The following SULT1E1 variants were observed in gnomAD, a reference collection of about 807,000 sequenced individuals.
SULT1E1 encodes sulfotransferase family 1E member 1, also known as sulfotransferase 1E1.
In SULT1E1, 36 loss-of-function variants were observed where a neutral mutation model predicts 33.6. The observed-to-expected ratio is 1.07, with a 90% CI of 0.82 to 1.41. SULT1E1 has a LOEUF of 1.41. Ranked by LOEUF, SULT1E1 falls within the 40% of genes most tolerant of loss-of-function variation. The pLI is 0.00. For missense variants in SULT1E1, 371 were observed against 345.7 expected (o/e 1.07, Z -0.58); for synonymous variants, 121 against 111.7 (o/e 1.08, Z -0.53).
At chr4:69,842,982 G>A (rs1022249951) in intron 7 of SULT1E1, among the ~76,000 whole-genome samples, 3 of 151,764 alleles carry the variant, frequency 2.0e-5, no homozygotes, top group African/African-American at 4.8e-5. Context: ...GACTACAGGC[G>A]CCCGCCACCA....
chr4:69,851,024 T>G (rs1441073424), intron 4 of SULT1E1, among the ~76,000 whole-genome samples: 2 of 152,152 alleles, frequency 1.3e-5, no homozygotes, highest in African/African-American at 4.8e-5. Flanking sequence ...GATTGTAATC[T>G]GTCTTAAAAA....
the SULT1E1 span, among the ~76,000 whole-genome samples, chr4:69,830,572 A>G: frequency 6.6e-6 from 1 of 152,278 alleles, no homozygotes; most frequent in East Asian, 1.9e-4. Context: ...ATTGCCTCTC[A>G]GTACTGCTGC....
At chr4:69,821,558 A>G in the SULT1E1 span, among the ~76,000 whole-genome samples, 1 of 152,156 alleles carries the variant, frequency 6.6e-6, no homozygotes, top group Non-Finnish European at 1.5e-5. Flanking sequence ...GTCAGTTAAT[A>G]CAGAAGACAG....
the SULT1E1 span, among the ~76,000 whole-genome samples, chr4:69,832,477 C>T: frequency 6.6e-6 from 1 of 152,156 alleles, no homozygotes; most frequent in African/African-American, 2.4e-5. Context: ...AAAGACTGGG[C>T]CCCGAACAAA....
rs1382352722 is a variant in SULT1E1 at position 69,850,279 on chromosome 4, C to G, written c.370-716G>C. Among the ~76,000 whole-genome samples, 5 of 152,166 alleles carry G rather than the reference C, an allele frequency of 3.3e-5. No individual in the cohort carries two copies. In the East Asian group the frequency reaches 5.8e-4, roughly 18 times the overall value. On this transcript the variant is annotated intron_variant, in intron 4 of 7. Coordinates refer to ENST00000226444, the MANE Select transcript of SULT1E1 (RefSeq NM_005420.3). ...TGTGTTAGATCATCTGTGGCCTACTCTAGGTCTGATACTCAATGTTACACG... is the reference window on the plus strand; with the variant it reads ...TGTGTTAGATCATCTGTGGCCTACTGTAGGTCTGATACTCAATGTTACACG...
intron 2 of SULT1E1, among the ~76,000 whole-genome samples, chr4:69,856,978 C>T (rs1721255119): frequency 7.3e-6 from 1 of 137,622 alleles, no homozygotes. Flanking sequence ...TAAGGGCATA[C>T]TTAGTGTGTT....
chr4:69,851,272 T>G (rs1266316573), intron 4 of SULT1E1, among the ~76,000 whole-genome samples: 1 of 151,744 alleles, frequency 6.6e-6, no homozygotes, highest in African/African-American at 2.4e-5. Flanking sequence ...TCAAACAAAT[T>G]TACAAGAAAA....
At chr4:69,833,052 AT>A in the SULT1E1 span, among the ~76,000 whole-genome samples, 1 of 151,864 alleles carries the variant, frequency 6.6e-6, no homozygotes, top group African/African-American at 2.4e-5. Flanking sequence ...AGCTTGTTTT[AT>A]TTTTTTCTTT....
rs1456290929 is a variant in SULT1E1 at position 69,860,076 on chromosome 4, T to TGATCTAG, written c.-44_-38dup. On this transcript the variant is annotated 5_prime_UTR_variant, in exon 1 of 8. Transcript: ENST00000226444. ...GTTTAGTTGATCCTGTGAAAGAAAT[T>TGATCTAG]GATCTAGTTTATATCTCTTCAAATA... 1.3e-5 allele frequency: 2 copies of TGATCTAG among 152,114 alleles called. No homozygotes were observed. The highest frequency in any genetic ancestry group is 4.8e-5 in the African/African-American group (2 of 41,446). 9.4% of individuals were successfully genotyped at this position (152,114 alleles called of 1,614,324 possible). A position where few individuals can be genotyped will look rare whatever the true frequency, so the allele number is the denominator to read the frequency against.
At chr4:69,829,697 T>A in the SULT1E1 span, among the ~76,000 whole-genome samples, 2 of 152,194 alleles carry the variant, frequency 1.3e-5, no homozygotes, top group African/African-American at 4.8e-5. Context: ...GGAATTCATG[T>A]TGGACTCCTT....
chr4:69,857,024 A>T (rs1721255544), intron 2 of SULT1E1, among the ~76,000 whole-genome samples: 1 of 151,630 alleles, frequency 6.6e-6, no homozygotes, highest in African/African-American at 2.4e-5. Context: ...GAACAACCAG[A>T]TGAAGAAATA....
At chr4:69,837,581 T>C (rs11249464), downstream of SULT1E1, among the ~76,000 whole-genome samples, 4,231 of 152,262 alleles carry the variant, frequency 0.028, 90 homozygotes, top group Non-Finnish European at 0.039. Context: ...TTGATAAACT[T>C]GAAAATTTAA....
the SULT1E1 span, among the ~76,000 whole-genome samples, chr4:69,828,435 T>A: frequency 6.6e-6 from 1 of 152,148 alleles, no homozygotes; most frequent in South Asian, 2.1e-4. Context: ...ATGCCACCTC[T>A]AAGAGCTGTA....
At chr4:69,852,248 C>T (rs1443574355) in intron 4 of SULT1E1, among the ~76,000 whole-genome samples, 2 of 152,152 alleles carry the variant, frequency 1.3e-5, no homozygotes, top group South Asian at 2.1e-4. Flanking sequence ...ACACCTGCCT[C>T]ATGGTTTCAC....
Position 69,860,080 on chromosome 4 carries a change from CT to C in SULT1E1, c.-42del, listed in dbSNP as rs1166044328. ...AGTTGATCCTGTGAAAGAAATTGAT[CT>C]AGTTTATATCTCTTCAAATACCAAG... On this transcript the variant is annotated 5_prime_UTR_variant, in exon 1 of 8. Transcript: ENST00000226444. 1.3e-5 allele frequency: 2 copies of C among 151,918 alleles called. No individual in the cohort carries two copies. The highest frequency in any genetic ancestry group is 4.8e-5 in the African/African-American group (2 of 41,378). 9.4% of individuals were successfully genotyped at this position (151,918 alleles called of 1,614,324 possible).
chr4:69,838,444 T>A (rs1463741319), downstream of SULT1E1: 2 of 152,220 alleles, frequency 1.3e-5, no homozygotes, highest in East Asian at 1.9e-4. Context: ...TTCTCAGAAG[T>A]TACCTGAGAT....
rs1460775805 is a variant in SULT1E1 at position 69,841,764 on chromosome 4, C to T, written c.*230G>A. On this transcript the variant is annotated 3_prime_UTR_variant, in exon 8 of 8. Coordinates refer to ENST00000226444, the MANE Select transcript of SULT1E1 (RefSeq NM_005420.3). ...GCTGAGATGGGAGGATCAATTGAGT[C>T]AAGGAGGTCAAGGCTGCAATCAGCC... is the stretch of plus-strand genomic sequence containing the variant. 5.9e-6 allele frequency: 2 copies of T among 338,620 alleles called. No individual in the cohort carries two copies. The highest frequency in any genetic ancestry group is 1.0e-4 in the Admixed American group (2 of 19,576). The allele number at this position is 338,620 out of a possible 1,614,324, so 21.0% of individuals were successfully genotyped here.
At chr4:69,826,155 C>A in the SULT1E1 span, among the ~76,000 whole-genome samples, 1 of 152,158 alleles carries the variant, frequency 6.6e-6, no homozygotes, top group Non-Finnish European at 1.5e-5. Context: ...AAAAAGGCGT[C>A]ACTCTTCCAA....
the SULT1E1 span, among the ~76,000 whole-genome samples, chr4:69,829,260 G>T: frequency 7.2e-5 from 11 of 152,166 alleles, no homozygotes; most frequent in Admixed American, 6.5e-5. Flanking sequence ...CAAGAGAGGG[G>T]TATTCCACAG....
Sources: gnomAD v4.1 joint callset for allele counts (sites outside exome capture counted in the v4.1 genomes callset) on GRCh38, gnomAD v4.1.1 for gene constraint, MANE v1.5 for transcripts, NCBI Gene and HGNC (gene_info 2026-07-23, HGNC 2026-07-21) for gene names.